The following AGTR1 variants were observed in gnomAD, a reference collection of about 807,000 sequenced individuals.
AGTR1 encodes type-1 angiotensin II receptor.
AGTR1 carries 16 observed loss-of-function variants against 19.4 expected under a neutral mutation model. The observed-to-expected ratio is 0.82, with a 90% CI of 0.56 to 1.25. The LOEUF (loss-of-function observed/expected upper bound fraction) is 1.25. Among genes scored for constraint, AGTR1 ranks in the 50% most tolerant of loss-of-function variants. The pLI, the probability that AGTR1 is intolerant of heterozygous loss-of-function variation, is 0.00. For missense variants in AGTR1, 373 were observed against 431.9 expected (o/e 0.86, Z 1.21); for synonymous variants, 153 against 154.9 (o/e 0.99, Z 0.09).
At chr3:148,725,954 A>C (rs1713909064) in intron 2 of AGTR1, among the ~76,000 whole-genome samples, 1 of 152,224 alleles carries the variant, frequency 6.6e-6, no homozygotes, top group Non-Finnish European at 1.5e-5. Flanking sequence ...GCTATTTAGC[A>C]AACTTGTTTT....
chr3:148,737,334 C>T (rs1714623544), intron 2 of AGTR1, among the ~76,000 whole-genome samples: 2 of 152,140 alleles, frequency 1.3e-5, no homozygotes, highest in South Asian at 4.2e-4. Flanking sequence ...CTCTACTCCA[C>T]CTGGCTGGTT....
At chr3:148,728,607 T>C (rs1298336576) in intron 2 of AGTR1, among the ~76,000 whole-genome samples, 1 of 152,156 alleles carries the variant, frequency 6.6e-6, no homozygotes, top group Non-Finnish European at 1.5e-5. Context: ...AAATAAACTG[T>C]TAGGTGCTTC....
chr3:148,708,542 CAA>C (rs1399481420), intron 2 of AGTR1, among the ~76,000 whole-genome samples: 4 of 152,104 alleles, frequency 2.6e-5, no homozygotes, highest in Non-Finnish European at 4.4e-5. Context: ...CACCTTCCTC[CAA>C]TGATGAGATA....
chr3:148,716,745 G>T lies in AGTR1; in HGVS notation c.-48+8718G>T, dbSNP rs186865704. Among the ~76,000 whole-genome samples, 404 of 152,260 alleles carry T rather than the reference G, an allele frequency of 2.7e-3. 2 individuals carry two copies. The highest frequency in any genetic ancestry group is 4.6e-3 in the Admixed American group (70 of 15,288). ...CACAAGGAGTGGAATAATCAAAGTT[G>T]CATTTTAAGCAAGATTATGGTTTTT... On this transcript the variant is annotated intron_variant, in intron 2 of 2. Coordinates refer to ENST00000349243, the MANE Select transcript of AGTR1 (RefSeq NM_000685.5). This position sits in a 1 kb window ranked among gnomAD's most constrained non-coding sequence, Gnocchi z 4.7.
chr3:148,729,510 T>C (rs1381773504), intron 2 of AGTR1, among the ~76,000 whole-genome samples: 1 of 152,188 alleles, frequency 6.6e-6, no homozygotes, highest in Non-Finnish European at 1.5e-5. Flanking sequence ...GGGAATATAT[T>C]TTAATTTCAA....
At chr3:148,739,783 C>CT in intron 2 of AGTR1, 1 of 1,231,580 alleles carries the variant, frequency 8.1e-7, no homozygotes, top group Non-Finnish European at 1.0e-6. Context: ...CTTATTTCTG[C>CT]TCCTCTTTTT....
chr3:148,715,698 T>C (rs1235932732), intron 2 of AGTR1, among the ~76,000 whole-genome samples: 1 of 152,176 alleles, frequency 6.6e-6, no homozygotes, highest in African/African-American at 2.4e-5. Context: ...TCAAATAAGA[T>C]TTTAGCAAGC....
intron 2 of AGTR1, among the ~76,000 whole-genome samples, chr3:148,721,834 C>T (rs1713655948): frequency 6.6e-6 from 1 of 152,128 alleles, no homozygotes; most frequent in Non-Finnish European, 1.5e-5. Context: ...AGAGAACAAG[C>T]CCCAGAGGTC....
At position 148,734,236 on chromosome 3, in the gene AGTR1, A is replaced by T. The variant is rs570132901; in HGVS notation, c.-47-6753A>T. Among the ~76,000 whole-genome samples, 5 of 152,334 alleles carry T rather than the reference A, an allele frequency of 3.3e-5. No individual in the cohort carries two copies. The South Asian group carries it at 1.0e-3, about 32-fold the overall frequency. On this transcript the variant is annotated intron_variant, in intron 2 of 2. Transcript: ENST00000349243. ...GGATTAACATTTTACTTTCATTGTAATTCATATCCTAAATATAAATGTTAA... is the reference window on the plus strand; with the variant it reads ...GGATTAACATTTTACTTTCATTGTATTTCATATCCTAAATATAAATGTTAA...
intron 2 of AGTR1, among the ~76,000 whole-genome samples, chr3:148,729,223 TAAAAAC>T (rs1714117721): frequency 6.6e-6 from 1 of 152,106 alleles, no homozygotes; most frequent in African/African-American, 2.4e-5. Context: ...ATGGCAAAGT[TAAAAAC>T]AAGAGGAGAT....
chr3:148,741,351 G>T lies in AGTR1; in HGVS notation c.316G>T (p.Ala106Ser). 6.2e-7 allele frequency: 1 copy of T among 1,606,262 alleles called. No individual in the cohort carries two copies. The part of the protein sequence containing the change: ...FGNYLCKIAS[A>S]SVSFNLYASV... ...CAATTACCTATGTAAGATTGCTTCAGCCAGCGTCAGTTTCAACCTGTACGC... is the reference window on the plus strand; with the variant it reads ...CAATTACCTATGTAAGATTGCTTCATCCAGCGTCAGTTTCAACCTGTACGC... The change falls in exon 3 of 3, where the codon GCC becomes TCC. Residue 106 changes from alanine (A) to serine (S), a missense_variant. Physicochemically the swap from Ala to Ser is moderately conservative, Grantham distance 99 (BLOSUM62 1). Coordinates refer to ENST00000349243, the MANE Select transcript of AGTR1 (RefSeq NM_000685.5).
chr3:148,722,728 G>A (rs1713718190), intron 2 of AGTR1, among the ~76,000 whole-genome samples: 1 of 152,112 alleles, frequency 6.6e-6, no homozygotes, highest in African/African-American at 2.4e-5. Context: ...ACAAGAGTTT[G>A]CATCATCAGA....
intron 1 of AGTR1, among the ~76,000 whole-genome samples, chr3:148,707,532 A>T (rs1712737050): frequency 6.6e-6 from 1 of 152,240 alleles, no homozygotes; most frequent in Non-Finnish European, 1.5e-5. Context: ...CATAAGCTTT[A>T]TACTAAGTAA....
rs1396490062 is a variant in AGTR1 at position 148,741,297 on chromosome 3, A to G, written c.262A>G (p.Thr88Ala). The G allele has an allele frequency of 1.2e-6, 2 of 1,612,442 alleles. No individual in the cohort carries two copies. Among genetic ancestry groups the G allele is most frequent in the Non-Finnish European group, 1.7e-6 (2 of 1,180,020 alleles). The change falls in exon 3 of 3, where the codon ACA becomes GCA. Residue 88 changes from threonine to alanine, a missense_variant. Coordinates refer to ENST00000349243, the MANE Select transcript of AGTR1 (RefSeq NM_000685.5). ...LLTLPLWAVY[T>A]AMEYRWPFGN... ...GACTTTGCCACTATGGGCTGTCTAC[A>G]CAGCTATGGAATACCGCTGGCCCTT...
In AGTR1 at chr3:148,741,849, C is replaced by T. The variant is rs767722134; in HGVS notation, c.814C>T (p.Arg272Cys). Reference sequence around the variant, plus strand: ...TGTATTGATTCAACTAGGCATCATACGTGACTGTAGAATTGCAGATATTGT... The same window carrying T: ...TGTATTGATTCAACTAGGCATCATATGTGACTGTAGAATTGCAGATATTGT... ...LDVLIQLGII[R>C]DCRIADIVDT... is the part of the protein sequence containing the mutation. The change falls in exon 3 of 3, where the codon CGT becomes TGT. Residue 272 changes from arginine (R) to cysteine (C), a missense_variant. Arg to Cys is a radical substitution (Grantham distance 180). Coordinates refer to ENST00000349243, the MANE Select transcript of AGTR1 (RefSeq NM_000685.5). The T allele has an allele frequency of 1.5e-5, 25 of 1,613,878 alleles. No individual in the cohort carries two copies. Among genetic ancestry groups the T allele is most frequent in the South Asian group, 5.5e-5 (5 of 91,080 alleles).
chr3:148,738,903 G>A (rs1714716176), intron 2 of AGTR1, among the ~76,000 whole-genome samples: 1 of 152,124 alleles, frequency 6.6e-6, no homozygotes, highest in Non-Finnish European at 1.5e-5. Context: ...TGTCCATTCA[G>A]TCACTCATTC....
Position 148,741,090 on chromosome 3 carries a change from C to T in AGTR1, c.55C>T (p.Pro19Ser). Reference protein sequence around the residue: ...DGIKRIQDDCPKAGRHNYIFV... With the variant: ...DGIKRIQDDCSKAGRHNYIFV... ...TATTAAAAGAATCCAAGATGATTGT[C>T]CCAAAGCTGGAAGGCATAATTACAT... The change falls in exon 3 of 3, where the codon CCC (proline) becomes TCC (serine). Residue 19 changes from proline (P) to serine (S), a missense_variant. Pro to Ser is a moderately conservative substitution (Grantham distance 74). Transcript: ENST00000349243. 1 of 1,614,002 alleles carries T rather than the reference C, an allele frequency of 6.2e-7. No individual in the cohort carries two copies. Among genetic ancestry groups the T allele is most frequent in the Non-Finnish European group, 8.5e-7 (1 of 1,179,910 alleles).
chr3:148,720,572 T>G (rs1162448980), intron 2 of AGTR1, among the ~76,000 whole-genome samples: 1 of 152,198 alleles, frequency 6.6e-6, no homozygotes, highest in Non-Finnish European at 1.5e-5. Context: ...ATTCACAGGT[T>G]TGGCTCACAC....
chr3:148,725,494 G>C (rs1713876162), intron 2 of AGTR1, among the ~76,000 whole-genome samples: 1 of 152,066 alleles, frequency 6.6e-6, no homozygotes, highest in African/African-American at 2.4e-5. Context: ...AATTTACTTA[G>C]TATATGTATA....
Sources: gnomAD v4.1 joint callset for allele counts (sites outside exome capture counted in the v4.1 genomes callset) on GRCh38, gnomAD v4.1.1 for gene constraint, Gnocchi (gnomAD v3.1) non-coding constraint, MANE v1.5 for transcripts, NCBI Gene and HGNC (gene_info 2026-07-23, HGNC 2026-07-21) for gene names.